TOM1: variants seen among roughly 807,000 people sequenced by gnomAD.
TOM1 encodes the protein target of myb1 membrane trafficking protein, also known as target of Myb protein 1.
Under a neutral mutation model 61.3 loss-of-function variants are expected in TOM1, and 38 were observed. The ratio of observed to expected loss-of-function variants is 0.62; its 90% confidence interval spans 0.48 to 0.81. The LOEUF is 0.81. Ranked by LOEUF, TOM1 falls within the 40% of genes least tolerant of loss-of-function variation. The probability of loss-of-function intolerance (pLI) is 0.00; values close to 1 mark genes in which losing one functional copy is unlikely to be tolerated. For missense variants in TOM1, 591 were observed against 659.6 expected (o/e 0.90, Z 1.14); for synonymous variants, 270 against 268.8 (o/e 1.00, Z -0.04).
At chr22:35,311,549 C>G (rs1926825545) in intron 1 of TOM1, among the ~76,000 whole-genome samples, 1 of 152,214 alleles carries the variant, frequency 6.6e-6, no homozygotes, top group Non-Finnish European at 1.5e-5. Flanking sequence ...AACTGAGCAC[C>G]TAGGCAGTGC....
chr22:35,326,178 A>G lies in TOM1; in HGVS notation c.649-1093A>G, dbSNP rs142800352. 3.3e-5 allele frequency among the ~76,000 whole-genome samples: 5 copies of G among 152,334 alleles called. No individual in the cohort carries two copies. The East Asian group carries it at 5.8e-4, about 18-fold the overall frequency. ...ATAAATGGTAGCTGCTGTCACAATC[A>G]TGAATGTATATAGTGACACTCTGAA... is the stretch of plus-strand genomic sequence containing the variant. On this transcript the variant is annotated intron_variant, in intron 6 of 14. Coordinates refer to ENST00000449058, the MANE Select transcript of TOM1 (RefSeq NM_005488.3).
At position 35,323,474 on chromosome 22, in the gene TOM1, G is replaced by C. The variant is rs373497265; in HGVS notation, c.367-22G>C. On this transcript the variant is annotated intron_variant, in intron 4 of 14. Transcript: ENST00000449058. The surrounding 1 kb of genome is among the most constrained non-coding windows in gnomAD (Gnocchi z 4.2). The stretch of plus-strand genomic sequence containing the variant: ...CACAGGTGAGCTGTGGTTACCGGCT[G>C]TGTCCCCTTGTCCCCTCTCAGTCCT... 1 of 1,612,854 alleles carries C rather than the reference G, an allele frequency of 6.2e-7. No homozygotes were observed. The highest frequency in any genetic ancestry group is 8.5e-7 in the Non-Finnish European group (1 of 1,179,502).
chr22:35,311,640 G>A (rs1244636076), intron 1 of TOM1, among the ~76,000 whole-genome samples: 1 of 152,210 alleles, frequency 6.6e-6, no homozygotes, highest in Admixed American at 6.5e-5. Context: ...CAGAAGGTCT[G>A]CCCCAGGCAG....
chr22:35,304,464 G>A (rs777342341), intron 1 of TOM1, among the ~76,000 whole-genome samples: 3 of 152,094 alleles, frequency 2.0e-5, no homozygotes, highest in Admixed American at 6.5e-5. Context: ...AATCTTACTG[G>A]ATCTGTTTTG....
intron 8 of TOM1, among the ~76,000 whole-genome samples, chr22:35,332,363 G>T (rs1928911687): frequency 6.6e-6 from 1 of 152,108 alleles, no homozygotes; most frequent in Non-Finnish European, 1.5e-5. Context: ...CCTAATTTGG[G>T]CTTCAGCACT....
chr22:35,322,686 C>A, intron 3 of TOM1: 1 of 250,772 alleles, frequency 4.0e-6, no homozygotes. Context: ...AGTCGATTGA[C>A]ATCTCAGATG....
At chr22:35,309,296 T>A (rs1926611640) in intron 1 of TOM1, among the ~76,000 whole-genome samples, 1 of 152,074 alleles carries the variant, frequency 6.6e-6, no homozygotes, top group Non-Finnish European at 1.5e-5. Context: ...GGGCAGGATT[T>A]GTCTGTGTCT....
chr22:35,317,974 C>T lies in TOM1; in HGVS notation c.137+13C>T. 1 of 1,609,486 alleles carries T rather than the reference C, an allele frequency of 6.2e-7. No homozygotes were observed. The highest frequency in any genetic ancestry group is 8.5e-7 in the Non-Finnish European group (1 of 1,175,812). ...AGACGGAGGAAGGGTAAGGGCCCCC[C>T]AAGGAGAGGTTGGGGGCAGAGACGG... On this transcript the variant is annotated intron_variant, in intron 2 of 14. Coordinates refer to ENST00000449058, the MANE Select transcript of TOM1 (RefSeq NM_005488.3).
intron 1 of TOM1, among the ~76,000 whole-genome samples, chr22:35,314,387 C>G (rs1027888512): frequency 8.5e-5 from 13 of 152,162 alleles, no homozygotes; most frequent in Non-Finnish European, 1.6e-4. Flanking sequence ...CTACTGCCTG[C>G]TGCCACTCAT....
intron 1 of TOM1, among the ~76,000 whole-genome samples, chr22:35,313,415 C>T (rs925016867): frequency 6.6e-6 from 1 of 151,958 alleles, no homozygotes; most frequent in African/African-American, 2.4e-5. Context: ...CGTGGTGTGG[C>T]GTGTCTTTGG....
chr22:35,326,075 C>G (rs1002155163), intron 6 of TOM1, among the ~76,000 whole-genome samples: 1 of 152,176 alleles, frequency 6.6e-6, no homozygotes, highest in African/African-American at 2.4e-5. Context: ...TCTATAAAAG[C>G]AGGGATATTG....
intron 11 of TOM1, among the ~76,000 whole-genome samples, chr22:35,335,449 G>A (rs1259345721): frequency 6.6e-6 from 1 of 152,188 alleles, no homozygotes; most frequent in Non-Finnish European, 1.5e-5. Flanking sequence ...GTACTTTTAA[G>A]CCCAGGTACC....
chr22:35,301,451 T>G (rs1925778388), intron 1 of TOM1, among the ~76,000 whole-genome samples: 1 of 152,178 alleles, frequency 6.6e-6, no homozygotes, highest in Non-Finnish European at 1.5e-5. Flanking sequence ...CGACATGCCT[T>G]CACCCAAACA....
At chr22:35,307,980 C>T (rs182861356) in intron 1 of TOM1, among the ~76,000 whole-genome samples, 1 of 152,290 alleles carries the variant, frequency 6.6e-6, no homozygotes, top group Admixed American at 6.5e-5. Flanking sequence ...CCGCGTAAAG[C>T]GTATTGCCCT....
chr22:35,305,729 T>G (rs138758), intron 1 of TOM1, among the ~76,000 whole-genome samples: 77,804 of 150,998 alleles, frequency 0.52, 22,794 homozygotes, highest in Non-Finnish European at 0.65. Flanking sequence ...TCCAAGGGCA[T>G]GGTGTGTGGT....
At chr22:35,299,804 T>C (rs1925541058), upstream of TOM1, 9 of 1,107,126 alleles carry the variant, frequency 8.1e-6, no homozygotes, top group Admixed American at 2.2e-5. Context: ...GTGGTCGAGC[T>C]TCGCGGTGCC....
At chr22:35,299,568 C>T (rs551738424), upstream of TOM1, 9 of 298,184 alleles carry the variant, frequency 3.0e-5, no homozygotes, top group East Asian at 8.8e-4. Flanking sequence ...CTGTGTAACT[C>T]ACCCAAGTCA....
chr22:35,332,938 G>A (rs988023179), intron 8 of TOM1, 43 bp from the exon 9 acceptor site: 7 of 1,610,094 alleles, frequency 4.3e-6, no homozygotes, highest in Admixed American at 3.3e-5. Context: ...GTGGGGGCCT[G>A]TCTCAGTCTG....
intron 8 of TOM1, chr22:35,331,531 G>A (rs1036396883): frequency 3.1e-6 from 1 of 322,064 alleles, no homozygotes; most frequent in Non-Finnish European, 6.2e-6. Context: ...AGCCCCACCG[G>A]GATGATGTGA....
Sources: gnomAD v4.1 joint callset for allele counts (sites outside exome capture counted in the v4.1 genomes callset) on GRCh38, gnomAD v4.1.1 for gene constraint, Gnocchi (gnomAD v3.1) non-coding constraint, MANE v1.5 for transcripts, NCBI Gene and HGNC (gene_info 2026-07-23, HGNC 2026-07-21) for gene names.